Variants in SKOR2 observed in about 807,000 individuals in gnomAD.
The protein encoded by SKOR2 is SKI family transcriptional corepressor 2.
SKOR2 carries 47 observed loss-of-function variants against 69.1 expected under a neutral mutation model. The ratio of observed to expected loss-of-function variants is 0.68; its 90% CI spans 0.54 to 0.87. SKOR2 has a LOEUF of 0.87. Among genes scored for constraint, SKOR2 ranks in the 40% least tolerant of loss-of-function variants. The pLI is 0.00. For missense variants in SKOR2, 1,404 were observed against 1,472.2 expected (o/e 0.95, Z 0.76); for synonymous variants, 717 against 672.6 (o/e 1.07, Z -1.02).
chr18:47,248,873 C>T lies in SKOR2; in HGVS notation c.311G>A (p.Arg104His), dbSNP rs574685057. Reference protein sequence around the residue: ...CTPVQLEILRRAGAMPISSRR... With the variant: ...CTPVQLEILRHAGAMPISSRR... ...CGATGAGATGGGCATGGCCCCGGCA[C>T]GCCGCAGGATCTCCAGTTGCACCGG... Residue 104 changes from arginine to histidine, a missense_variant, in exon 2 of 9, where the codon CGT (arginine) becomes CAT (histidine). Physicochemically the swap from Arg to His is conservative, Grantham distance 29. This residue lies in a region of SKOR2 where 34 missense variants were observed against 66.6 expected (regional missense o/e 0.51). Transcript: ENST00000425639. This position sits in a 1 kb window ranked among gnomAD's most constrained non-coding sequence, Gnocchi z 6.4. 2,257 of 1,566,068 alleles carry T rather than the reference C, an allele frequency of 1.4e-3. No homozygotes were observed. Among genetic ancestry groups the T allele is most frequent in the Non-Finnish European group, 1.9e-3 (2,181 of 1,163,608 alleles).
At chr18:47,221,519 C>G (rs979758024) in intron 6 of SKOR2, among the ~76,000 whole-genome samples, 6 of 152,226 alleles carry the variant, frequency 3.9e-5, no homozygotes, top group African/African-American at 1.4e-4. Context: ...CAGTCCTCAA[C>G]TATGCATTAT....
intron 7 of SKOR2, among the ~76,000 whole-genome samples, chr18:47,217,149 T>C (rs2064146485): frequency 6.6e-6 from 1 of 152,170 alleles, no homozygotes; most frequent in Non-Finnish European, 1.5e-5. Flanking sequence ...CAAAAATATA[T>C]CTAGCCGGAT....
chr18:47,225,538 G>A (rs1208625950), intron 6 of SKOR2, among the ~76,000 whole-genome samples: 1 of 152,200 alleles, frequency 6.6e-6, no homozygotes, highest in Non-Finnish European at 1.5e-5. Context: ...ATTCTGGGTA[G>A]CTCTTCCCTG....
intron 4 of SKOR2, among the ~76,000 whole-genome samples, chr18:47,235,090 T>A (rs922222993): frequency 2.0e-4 from 31 of 152,082 alleles, no homozygotes; most frequent in African/African-American, 7.0e-4. Flanking sequence ...AAAGGCCCAG[T>A]GCCATGGCTC....
In SKOR2 at chr18:47,245,495, T is replaced by A. The variant is rs962287583; in HGVS notation, c.2677+3A>T. On this transcript the variant is annotated splice_donor_region_variant and intron_variant, in intron 3 of 8. Coordinates refer to ENST00000425639, the MANE Select transcript of SKOR2 (RefSeq NM_001278063.4). ...GGCAGCTGATTTTTTTTTTTTTTTT[T>A]ACCTGAAAAGCTGTTGTCATCCTTT... 1 of 1,470,346 alleles carries A rather than the reference T, an allele frequency of 6.8e-7. No homozygotes were observed. Among genetic ancestry groups the A allele is most frequent in the Non-Finnish European group, 9.0e-7 (1 of 1,116,558 alleles). The allele number at this position is 1,470,346 out of a possible 1,614,324, so 91.1% of individuals were successfully genotyped here. A position where few individuals can be genotyped will look rare whatever the true frequency, so the allele number is the denominator to read the frequency against.
At chr18:47,221,135 A>C (rs1399591583) in intron 6 of SKOR2, among the ~76,000 whole-genome samples, 1 of 152,236 alleles carries the variant, frequency 6.6e-6, no homozygotes, top group Non-Finnish European at 1.5e-5. Flanking sequence ...CTGGGTACTT[A>C]GAGATGAAAA....
chr18:47,227,922 T>G (rs1245432672), intron 6 of SKOR2, among the ~76,000 whole-genome samples: 2 of 152,226 alleles, frequency 1.3e-5, no homozygotes, highest in Non-Finnish European at 2.9e-5. Context: ...AATTCTCACA[T>G]GCTACAGCTC....
intron 4 of SKOR2, among the ~76,000 whole-genome samples, chr18:47,241,904 T>C (rs2064250491): frequency 6.6e-6 from 1 of 152,164 alleles, no homozygotes; most frequent in African/African-American, 2.4e-5. Flanking sequence ...AATTAATTAT[T>C]GTGAGGTAGG....
At chr18:47,244,075 T>C (rs1359957355) in intron 4 of SKOR2, among the ~76,000 whole-genome samples, 1 of 152,244 alleles carries the variant, frequency 6.6e-6, no homozygotes, top group African/African-American at 2.4e-5. Flanking sequence ...AGTTTCCTTA[T>C]GAGAAAATAA....
chr18:47,245,154 G>A (rs1453280841), intron 3 of SKOR2, among the ~76,000 whole-genome samples, 172 bp from the exon 4 acceptor site: 1 of 151,914 alleles, frequency 6.6e-6, no homozygotes, highest in African/African-American at 2.4e-5. Flanking sequence ...CCAAAAATGT[G>A]GCAACTATTC....
intron 3 of SKOR2, among the ~76,000 whole-genome samples, chr18:47,245,208 A>G (rs1274414258): frequency 3.9e-5 from 6 of 152,326 alleles, no homozygotes; most frequent in African/African-American, 1.4e-4. Flanking sequence ...ATATTTATGT[A>G]ACTGTGTATG....
intron 6 of SKOR2, among the ~76,000 whole-genome samples, chr18:47,222,315 CA>C (rs57282613): frequency 0.079 from 8,869 of 112,362 alleles, 540 homozygotes; most frequent in African/African-American, 0.19. Context: ...GACTCTGCCT[CA>C]AAAAAAAAAA....
intron 4 of SKOR2, among the ~76,000 whole-genome samples, chr18:47,231,425 A>T (rs755786984): frequency 8.5e-5 from 13 of 152,180 alleles, no homozygotes; most frequent in Non-Finnish European, 1.6e-4. Context: ...GACTAGAGGC[A>T]GGTGCCCAGC....
intron 4 of SKOR2, among the ~76,000 whole-genome samples, chr18:47,239,397 T>G (rs914140225): frequency 6.6e-6 from 1 of 151,920 alleles, no homozygotes; most frequent in East Asian, 1.9e-4. Context: ...ATGAACTAAC[T>G]AAATATTAAC....
intron 6 of SKOR2, among the ~76,000 whole-genome samples, chr18:47,221,448 T>G (rs894400725): frequency 1.7e-4 from 26 of 152,216 alleles, no homozygotes; most frequent in African/African-American, 6.0e-4. Context: ...ATGGCTCAGC[T>G]GGCTGCAGCC....
At chr18:47,232,785 G>A (rs566105062) in intron 4 of SKOR2, among the ~76,000 whole-genome samples, 20 of 152,284 alleles carry the variant, frequency 1.3e-4, no homozygotes, top group South Asian at 8.3e-4. Context: ...TACAGTAAGC[G>A]GGGGCCAGAA....
chr18:47,224,924 C>CT (rs1039415497), intron 6 of SKOR2, among the ~76,000 whole-genome samples: 1 of 151,956 alleles, frequency 6.6e-6, no homozygotes, highest in African/African-American at 2.4e-5. Context: ...CCAGCCAAAA[C>CT]TTAAAAAAAA....
intron 4 of SKOR2, among the ~76,000 whole-genome samples, chr18:47,243,123 TG>T (rs1335511961): frequency 1.3e-5 from 2 of 151,902 alleles, no homozygotes; most frequent in Admixed American, 6.6e-5. Flanking sequence ...TTCTGAGCTT[TG>T]TCTGTCTTGG....
intron 8 of SKOR2, among the ~76,000 whole-genome samples, chr18:47,210,706 T>C (rs891921047): frequency 2.0e-4 from 31 of 152,230 alleles, no homozygotes; most frequent in African/African-American, 6.5e-4. Context: ...CTTTAATATA[T>C]AGAACAGAGC....
Sources: allele counts gnomAD v4.1 joint callset (sites outside exome capture counted in the v4.1 genomes callset), GRCh38; gene constraint gnomAD v4.1.1; regional missense constraint gnomAD v4.1.1; non-coding constraint Gnocchi (gnomAD v3.1); transcripts MANE v1.5; gene names NCBI Gene and HGNC (gene_info 2026-07-23, HGNC 2026-07-21).